Variants in SHLD1 observed in about 807,000 individuals in gnomAD.
The protein encoded by SHLD1 is shieldin complex subunit 1, also known as RINN1-REV7-interacting novel NHEJ regulator 3.
SHLD1 carries 3 observed loss-of-function variants against 5.5 expected under a neutral mutation model. That is an observed-to-expected ratio of 0.54 (90% CI 0.25 to 1.40). The LOEUF is 1.40. Ranked by LOEUF, SHLD1 falls within the 40% of genes most tolerant of loss-of-function variation. The probability of loss-of-function intolerance (pLI) is 0.15; values close to 1 mark genes in which losing one functional copy is unlikely to be tolerated. For missense variants in SHLD1, 210 were observed against 244.4 expected (o/e 0.86, Z 0.94); for synonymous variants, 92 against 94.3 (o/e 0.98, Z 0.14).
At chr20:5,755,240 C>T (rs1984006143) in intron 1 of SHLD1, among the ~76,000 whole-genome samples, 1 of 152,058 alleles carries the variant, frequency 6.6e-6, no homozygotes, top group Non-Finnish European at 1.5e-5. Context: ...ATCCTCAATC[C>T]CCGGGCCATG....
intron 2 of SHLD1, among the ~76,000 whole-genome samples, chr20:5,818,276 A>C (rs1463657749): frequency 1.3e-5 from 2 of 151,928 alleles, no homozygotes; most frequent in Admixed American, 1.3e-4. Context: ...GGGTTTCACC[A>C]TGTTGGCCAG....
chr20:5,861,276 G>A (rs963509320), intron 2 of SHLD1, among the ~76,000 whole-genome samples: 58 of 152,354 alleles, frequency 3.8e-4, no homozygotes, highest in African/African-American at 1.3e-3. Flanking sequence ...TTTCCACAGA[G>A]TCCACAGTGT....
intron 2 of SHLD1, among the ~76,000 whole-genome samples, chr20:5,844,799 A>ATATATTTTTTTT (rs1460082835): frequency 1.4e-5 from 1 of 71,716 alleles, no homozygotes; most frequent in African/African-American, 4.2e-5. Flanking sequence ...ATATATATAT[A>ATATATTTTTTTT]TTTTTTTTTT....
chr20:5,863,163 T>C lies in SHLD1; in HGVS notation c.318T>C (p.Phe106=), dbSNP rs374722105. 6.2e-6 allele frequency: 10 copies of C among 1,614,192 alleles called. No homozygotes were observed. The South Asian group carries it at 8.8e-5, about 14-fold the overall frequency. The change falls in exon 3 of 3, where the codon TTT becomes TTC. Residue 106 remains phenylalanine, a synonymous_variant. Coordinates refer to ENST00000303142, the MANE Select transcript of SHLD1 (RefSeq NM_152504.4). ...CCCTGGATAGATTCTATGAAATGTTTGGTCATCCACAGCCAGGCTCTGCAA... is the reference window on the plus strand; with the variant it reads ...CCCTGGATAGATTCTATGAAATGTTCGGTCATCCACAGCCAGGCTCTGCAA... ...RKSLDRFYEM[F]GHPQPGSANS...
chr20:5,774,376 T>C (rs1055193432), intron 2 of SHLD1, among the ~76,000 whole-genome samples: 2 of 152,178 alleles, frequency 1.3e-5, no homozygotes, highest in African/African-American at 4.8e-5. Context: ...TGGAGAAATA[T>C]GTTTGGGATT....
At chr20:5,804,174 C>T (rs1457527798) in intron 2 of SHLD1, among the ~76,000 whole-genome samples, 9 of 151,762 alleles carry the variant, frequency 5.9e-5, no homozygotes, top group Non-Finnish European at 7.4e-5. Flanking sequence ...ATTAGCTGGG[C>T]GTGGTGGCAC....
chr20:5,844,268 G>T (rs2087900316), intron 2 of SHLD1, among the ~76,000 whole-genome samples: 1 of 152,122 alleles, frequency 6.6e-6, no homozygotes, highest in Admixed American at 6.6e-5. Context: ...ACAATTTTTT[G>T]TTTTATTTTT....
chr20:5,819,806 C>T (rs2087584284), intron 2 of SHLD1, among the ~76,000 whole-genome samples: 1 of 152,176 alleles, frequency 6.6e-6, no homozygotes, highest in Admixed American at 6.5e-5. Flanking sequence ...TGAATGACAG[C>T]GTGAGACCCA....
intron 2 of SHLD1, among the ~76,000 whole-genome samples, chr20:5,783,433 A>G (rs1271556091): frequency 1.3e-5 from 2 of 152,188 alleles, no homozygotes; most frequent in Non-Finnish European, 2.9e-5. Flanking sequence ...CATGTTGGCC[A>G]GGCTGGTCTC....
chr20:5,806,041 A>AT lies in SHLD1; in HGVS notation c.178+33004dup, dbSNP rs1219697256. ...TGTTTTTTGATTTAAATTTTTAAAT[A>AT]TTTTTTAGAGATGCGGCCTTGCTCT... On this transcript the variant is annotated intron_variant, in intron 2 of 2. Coordinates refer to ENST00000303142, the MANE Select transcript of SHLD1 (RefSeq NM_152504.4). The surrounding 1 kb of genome is among the most constrained non-coding windows in gnomAD (Gnocchi z 7.6). 1.3e-5 allele frequency among the ~76,000 whole-genome samples: 2 copies of AT among 152,072 alleles called. No homozygotes were observed. Among genetic ancestry groups the AT allele is most frequent in the Admixed American group, 6.6e-5 (1 of 15,266 alleles).
chr20:5,784,394 A>C (rs184307826), intron 2 of SHLD1, among the ~76,000 whole-genome samples: 16 of 152,084 alleles, frequency 1.1e-4, no homozygotes, highest in Admixed American at 2.6e-4. Flanking sequence ...GTGTCACATT[A>C]AATAGTCACT....
intron 2 of SHLD1, among the ~76,000 whole-genome samples, chr20:5,834,435 A>G (rs1432322888): frequency 6.6e-6 from 1 of 152,224 alleles, no homozygotes; most frequent in African/African-American, 2.4e-5. Flanking sequence ...GTTACATTCT[A>G]ATTTGACCAA....
chr20:5,762,316 C>T (rs1984514010), intron 1 of SHLD1, among the ~76,000 whole-genome samples: 1 of 151,860 alleles, frequency 6.6e-6, no homozygotes, highest in Admixed American at 6.6e-5. Context: ...TTAGATTTTT[C>T]ACAACATGCA....
intron 2 of SHLD1, among the ~76,000 whole-genome samples, chr20:5,843,245 A>G (rs1447473807): frequency 6.6e-6 from 1 of 151,192 alleles, no homozygotes; most frequent in African/African-American, 2.4e-5. Flanking sequence ...AATAGTTTCA[A>G]TTTGAGCACA....
At chr20:5,772,021 C>A in intron 1 of SHLD1, 1 of 418,540 alleles carries the variant, frequency 2.4e-6, no homozygotes, top group South Asian at 1.7e-5. Context: ...ATTACAGGCA[C>A]CCACCACCAA....
intron 2 of SHLD1, among the ~76,000 whole-genome samples, chr20:5,842,381 G>T (rs1226002284): frequency 6.6e-6 from 1 of 152,116 alleles, no homozygotes; most frequent in East Asian, 1.9e-4. Flanking sequence ...TATTTTGGTC[G>T]ATCTGGCCAG....
chr20:5,793,499 A>C (rs1262834392), intron 2 of SHLD1, among the ~76,000 whole-genome samples: 1 of 152,180 alleles, frequency 6.6e-6, no homozygotes, highest in East Asian at 1.9e-4. Context: ...CAAGCTTATC[A>C]ATCAATGCTT....
At chr20:5,817,802 A>G (rs1347923808) in intron 2 of SHLD1, among the ~76,000 whole-genome samples, 1 of 152,090 alleles carries the variant, frequency 6.6e-6, no homozygotes, top group East Asian at 1.9e-4. Flanking sequence ...CATCTCCAGG[A>G]CTCAGCTTCA....
intron 1 of SHLD1, among the ~76,000 whole-genome samples, chr20:5,761,000 G>A (rs1236396426): frequency 6.6e-6 from 1 of 151,952 alleles, no homozygotes; most frequent in Non-Finnish European, 1.5e-5. Flanking sequence ...AAATGGGGAG[G>A]GGGAGGGAAG....
Sources: allele counts gnomAD v4.1 joint callset (sites outside exome capture counted in the v4.1 genomes callset), GRCh38; gene constraint gnomAD v4.1.1; non-coding constraint Gnocchi (gnomAD v3.1); transcripts MANE v1.5; gene names NCBI Gene and HGNC (gene_info 2026-07-23, HGNC 2026-07-21).